MAGI2: variants seen among roughly 807,000 people sequenced by gnomAD.
The protein encoded by MAGI2 is membrane-associated guanylate kinase, WW and PDZ domain-containing protein 2.
A neutral mutation model predicts 133.3 loss-of-function variants in MAGI2; 35 were observed. The observed-to-expected ratio is 0.26, with a 90% CI of 0.20 to 0.35. MAGI2 has a LOEUF of 0.35. Among genes scored for constraint, MAGI2 ranks in the 10% least tolerant of loss-of-function variants. MAGI2 has a pLI of 1.00. For missense variants in MAGI2, 1,636 were observed against 1,863.4 expected (o/e 0.88, Z 2.25); for synonymous variants, 729 against 710.6 (o/e 1.03, Z -0.41).
At chr7:78,681,459 A>G (rs1315618309) in intron 2 of MAGI2, among the ~76,000 whole-genome samples, 1 of 152,174 alleles carries the variant, frequency 6.6e-6, no homozygotes, top group Non-Finnish European at 1.5e-5. Flanking sequence ...CCATATTTAG[A>G]TAAAACTAAT....
chr7:78,051,399 A>G (rs1241001313), intron 21 of MAGI2, among the ~76,000 whole-genome samples: 1 of 152,236 alleles, frequency 6.6e-6, no homozygotes, highest in Non-Finnish European at 1.5e-5. Context: ...TGGAAGGAGC[A>G]ATAAAAATAA....
At chr7:78,407,815 C>A (rs139941515) in intron 6 of MAGI2, among the ~76,000 whole-genome samples, 38 of 151,856 alleles carry the variant, frequency 2.5e-4, no homozygotes, top group Non-Finnish European at 5.4e-4. Context: ...TACTGAGGTG[C>A]CTTTATGTTA....
At chr7:78,232,055 A>G (rs1391191386) in intron 10 of MAGI2, among the ~76,000 whole-genome samples, 2 of 149,434 alleles carry the variant, frequency 1.3e-5, no homozygotes. Context: ...ATTCCACAAG[A>G]AAAAAAAAAC....
intron 9 of MAGI2, among the ~76,000 whole-genome samples, chr7:78,266,450 A>C (rs1794013972): frequency 1.3e-5 from 2 of 152,024 alleles, no homozygotes; most frequent in African/African-American, 4.8e-5. Flanking sequence ...CAATCTGCCC[A>C]CCTTGGCCTC....
intron 3 of MAGI2, among the ~76,000 whole-genome samples, chr7:78,558,352 G>A (rs931030664): frequency 6.6e-6 from 1 of 152,184 alleles, no homozygotes; most frequent in Non-Finnish European, 1.5e-5. Flanking sequence ...ACAGTAGCAA[G>A]AAAGGAAAGT....
intron 9 of MAGI2, among the ~76,000 whole-genome samples, chr7:78,259,009 T>G (rs749399534): frequency 1.6e-4 from 25 of 152,178 alleles, no homozygotes; most frequent in Non-Finnish European, 2.8e-4. Context: ...GTGTTGAAAT[T>G]TTCATTGCTT....
chr7:78,240,446 T>C (rs1474826260), intron 10 of MAGI2, among the ~76,000 whole-genome samples: 2 of 152,158 alleles, frequency 1.3e-5, no homozygotes, highest in Non-Finnish European at 2.9e-5. Flanking sequence ...TATAATGGAA[T>C]GGTATTCAGC....
intron 10 of MAGI2, among the ~76,000 whole-genome samples, chr7:78,229,017 T>C (rs1476981406): frequency 6.6e-6 from 1 of 152,266 alleles, no homozygotes; most frequent in Non-Finnish European, 1.5e-5. Flanking sequence ...TTTCGGCCAA[T>C]GCAAATCAAT....
chr7:78,517,944 G>T (rs111688313), intron 4 of MAGI2: 1 of 151,692 alleles, frequency 6.6e-6, no homozygotes, highest in Non-Finnish European at 1.5e-5. Flanking sequence ...GATAGATAAG[G>T]TCTGAGAGAA....
chr7:79,051,347 A>C (rs2116990416), intron 1 of MAGI2, among the ~76,000 whole-genome samples: 1 of 152,316 alleles, frequency 6.6e-6, no homozygotes, highest in South Asian at 2.1e-4. Flanking sequence ...ATGAGCAATA[A>C]ATCCCAACTT....
At chr7:78,808,382 A>C (rs37886) in intron 2 of MAGI2, among the ~76,000 whole-genome samples, 51,473 of 151,908 alleles carry the variant, frequency 0.34, 9,002 homozygotes, top group East Asian at 0.52. Context: ...TCAGCCTCCC[A>C]AGTAGCTGGG....
intron 1 of MAGI2, among the ~76,000 whole-genome samples, chr7:79,394,862 A>G (rs547407262): frequency 6.6e-6 from 1 of 152,358 alleles, no homozygotes; most frequent in African/African-American, 2.4e-5. Flanking sequence ...TGGAATTTCT[A>G]GGTCTCCAGA....
intron 12 of MAGI2, among the ~76,000 whole-genome samples, 162 bp downstream of exon 12, chr7:78,194,712 C>G (rs1828560870): frequency 6.6e-6 from 1 of 152,174 alleles, no homozygotes; most frequent in African/African-American, 2.4e-5. Context: ...CTTTTAGAGT[C>G]AACAGGCTTT....
intron 2 of MAGI2, among the ~76,000 whole-genome samples, chr7:78,903,704 C>T (rs1797793115): frequency 1.3e-5 from 2 of 151,900 alleles, no homozygotes. Context: ...AATTTTTTTA[C>T]CACCTCTCTT....
At chr7:78,197,604 A>T (rs1267863838) in intron 11 of MAGI2, among the ~76,000 whole-genome samples, 1 of 152,222 alleles carries the variant, frequency 6.6e-6, no homozygotes, top group Non-Finnish European at 1.5e-5. Context: ...CAGATTGACA[A>T]ATTCTACAAT....
At chr7:78,612,072 C>T (rs1806510332) in intron 3 of MAGI2, among the ~76,000 whole-genome samples, 1 of 152,134 alleles carries the variant, frequency 6.6e-6, no homozygotes, top group African/African-American at 2.4e-5. Flanking sequence ...TCTCTACTCT[C>T]TTATACAATT....
chr7:78,943,427 C>T (rs182253998), intron 2 of MAGI2, among the ~76,000 whole-genome samples: 242 of 152,148 alleles, frequency 1.6e-3, no homozygotes, highest in Non-Finnish European at 2.8e-3. Flanking sequence ...GAGAACATGG[C>T]CTAAGGATGC....
At chr7:78,702,050 G>A (rs751142041) in intron 2 of MAGI2, among the ~76,000 whole-genome samples, 4 of 151,968 alleles carry the variant, frequency 2.6e-5, no homozygotes, top group Non-Finnish European at 4.4e-5. Context: ...AATAAATGGT[G>A]GAGAGTGATC....
chr7:78,769,613 G>C (rs1585357230), intron 2 of MAGI2, among the ~76,000 whole-genome samples: 1 of 152,072 alleles, frequency 6.6e-6, no homozygotes, highest in Admixed American at 6.6e-5. Flanking sequence ...GGAACGGCTC[G>C]ACTACTCAAA....
Sources: allele counts gnomAD v4.1 joint callset (sites outside exome capture counted in the v4.1 genomes callset), GRCh38; gene constraint gnomAD v4.1.1; transcripts MANE v1.5; gene names NCBI Gene and HGNC (gene_info 2026-07-23, HGNC 2026-07-21).